OTOP1: variants seen among roughly 807,000 people sequenced by gnomAD.
The protein encoded by OTOP1 is otopetrin 1, also known as proton channel OTOP1.
Under a neutral mutation model 52.9 loss-of-function variants are expected in OTOP1, and 59 were observed. The ratio of observed to expected loss-of-function variants is 1.12; its 90% confidence interval spans 0.91 to 1.39. OTOP1 has a LOEUF of 1.39. Among genes scored for constraint, OTOP1 ranks in the 40% most tolerant of loss-of-function variants. OTOP1 has a pLI of 0.00. For synonymous variants in OTOP1, 317 were observed against 337.7 expected, an observed-to-expected ratio of 0.94 and a Z score of 0.67; for missense variants, 761 against 800.9, an observed-to-expected ratio of 0.95 and a Z score of 0.60.
At chr4:4,201,461 T>TACACAC (rs1167229533) in intron 4 of OTOP1, among the ~76,000 whole-genome samples, 48 of 132,852 alleles carry the variant, frequency 3.6e-4, no homozygotes, top group African/African-American at 1.4e-3. Context: ...AATAAATAAA[T>TACACAC]ATATATATAT....
In OTOP1 at chr4:4,188,969, C is replaced by T; in HGVS notation, c.1673G>A (p.Trp558Ter). The T allele has an allele frequency of 6.2e-7, 1 of 1,611,038 alleles. No individual in the cohort carries two copies. Among genetic ancestry groups the T allele is most frequent in the Non-Finnish European group, 8.5e-7 (1 of 1,178,640 alleles). The change falls in exon 6 of 6, where the codon TGG becomes TAG. Residue 558 changes from tryptophan (W) to a stop codon, truncating the protein, a stop_gained. Coordinates refer to ENST00000296358, the MANE Select transcript of OTOP1 (RefSeq NM_177998.3). LOFTEE classifies it high-confidence loss of function. ...TCGACAGCCAAAGGCGGGAGGTATC[C>T]AAAGCTGCAAGAGAAGAGAAAATGG... ...AFLFLCNISL[W>*]IPPAFGCRPE...
At chr4:4,202,200 T>A (rs1716802325) in intron 4 of OTOP1, among the ~76,000 whole-genome samples, 1 of 152,234 alleles carries the variant, frequency 6.6e-6, no homozygotes, top group African/African-American at 2.4e-5. Flanking sequence ...GCCATCAGAA[T>A]AATCACCGTG....
chr4:4,208,327 G>C (rs965399319), intron 2 of OTOP1, among the ~76,000 whole-genome samples: 7 of 152,184 alleles, frequency 4.6e-5, no homozygotes, highest in African/African-American at 1.7e-4. Flanking sequence ...ATGGGAGGCA[G>C]GTTTGCCTGA....
At chr4:4,214,141 G>C (rs545542577) in intron 1 of OTOP1, among the ~76,000 whole-genome samples, 11 of 152,174 alleles carry the variant, frequency 7.2e-5, no homozygotes, top group Admixed American at 4.6e-4. Flanking sequence ...AATTGGCAAA[G>C]GACATGAATA....
chr4:4,199,481 T>G (rs577404143), intron 4 of OTOP1, among the ~76,000 whole-genome samples: 3 of 152,240 alleles, frequency 2.0e-5, no homozygotes, highest in Non-Finnish European at 2.9e-5. Context: ...TGGCAAAATC[T>G]TGGCTCACTG....
intron 2 of OTOP1, among the ~76,000 whole-genome samples, chr4:4,206,611 C>A (rs1284240320): frequency 6.6e-6 from 1 of 152,156 alleles, no homozygotes; most frequent in Non-Finnish European, 1.5e-5. Context: ...ATTACATATG[C>A]TAGGCAGTCC....
At position 4,197,142 on chromosome 4, in the gene OTOP1, T is replaced by G; in HGVS notation, c.1668+24A>C. 3.2e-6 allele frequency: 5 copies of G among 1,560,188 alleles called. No individual in the cohort carries two copies. The South Asian group carries it at 4.8e-5, about 15-fold the overall frequency. ...AAAGTTTAAAGTAAAATTAAAAGAA[T>G]AAGAATAACTTGGTGCAGATTACCG... On this transcript the variant is annotated intron_variant, in intron 5 of 5. Transcript: ENST00000296358.
chr4:4,195,798 G>A (rs1289283901), intron 5 of OTOP1, among the ~76,000 whole-genome samples: 1 of 152,140 alleles, frequency 6.6e-6, no homozygotes, highest in East Asian at 1.9e-4. Context: ...AAGTCCTTCT[G>A]GATCCCTGCT....
At chr4:4,191,434 C>T (rs1458400852) in intron 5 of OTOP1, among the ~76,000 whole-genome samples, 1 of 152,212 alleles carries the variant, frequency 6.6e-6, no homozygotes, top group African/African-American at 2.4e-5. Flanking sequence ...AATCTACACT[C>T]CCGCATGGGG....
chr4:4,218,595 C>G (rs1439472741), intron 1 of OTOP1, among the ~76,000 whole-genome samples: 1 of 152,048 alleles, frequency 6.6e-6, no homozygotes, highest in African/African-American at 2.4e-5. Flanking sequence ...GTGTGGCTCA[C>G]TGAGGGAAAT....
At chr4:4,203,655 T>G (rs1716838187) in intron 3 of OTOP1, among the ~76,000 whole-genome samples, 1 of 152,244 alleles carries the variant, frequency 6.6e-6, no homozygotes, top group Non-Finnish European at 1.5e-5. Context: ...TTCCTACACC[T>G]GCAGGCTTAA....
chr4:4,205,518 A>G (rs547656726), intron 3 of OTOP1, among the ~76,000 whole-genome samples: 28 of 152,214 alleles, frequency 1.8e-4, no homozygotes, highest in Admixed American at 6.5e-5. Flanking sequence ...GCCAGCAGAG[A>G]TAAGAAAATC....
intron 4 of OTOP1, 70 bp downstream of exon 4, chr4:4,202,378 C>G: frequency 6.3e-7 from 1 of 1,599,950 alleles, no homozygotes; most frequent in Non-Finnish European, 8.5e-7. Flanking sequence ...TCTCTGAACT[C>G]TGTGGACTCT....
At chr4:4,214,577 A>G (rs1433935941) in intron 1 of OTOP1, among the ~76,000 whole-genome samples, 1 of 152,230 alleles carries the variant, frequency 6.6e-6, no homozygotes, top group Non-Finnish European at 1.5e-5. Flanking sequence ...ATGGATAGGT[A>G]AACACAATGA....
intron 2 of OTOP1, among the ~76,000 whole-genome samples, chr4:4,207,055 T>C (rs1716920742): frequency 6.6e-6 from 1 of 152,186 alleles, no homozygotes; most frequent in African/African-American, 2.4e-5. Context: ...TATTCTCTAG[T>C]TATAAAAATA....
Position 4,188,819 on chromosome 4 carries a change from A to G in OTOP1, c.1823T>C (p.Val608Ala), listed in dbSNP as rs1350193780. ...RMHAAASLFE[V>A]YCKI ...GGACCCAGACTATATCTTACAATAG[A>G]CCTCAAAGAGGGAGGCAGCTGCGTG... Residue 608 changes from valine to alanine, a missense_variant, in exon 6 of 6, where the codon GTC (valine) becomes GCC (alanine). Val to Ala is a moderately conservative substitution (Grantham distance 64). Coordinates refer to ENST00000296358, the MANE Select transcript of OTOP1 (RefSeq NM_177998.3). 6.2e-7 allele frequency: 1 copy of G among 1,613,178 alleles called. No individual in the cohort carries two copies. The highest frequency in any genetic ancestry group is 1.7e-5 in the Admixed American group (1 of 59,908).
chr4:4,219,001 TAAAA>T (rs1010441860), intron 1 of OTOP1, among the ~76,000 whole-genome samples: 2 of 151,272 alleles, frequency 1.3e-5, no homozygotes, highest in African/African-American at 4.9e-5. Context: ...ATTAATGGAA[TAAAA>T]AAATCACAAT....
chr4:4,212,783 A>G, intron 2 of OTOP1, 85 bp downstream of exon 2: 1 of 1,478,780 alleles, frequency 6.8e-7, no homozygotes, highest in Admixed American at 1.7e-5. Context: ...TCCACCTGCC[A>G]CACGTCTTGA....
At chr4:4,212,144 T>C (rs1365473545) in intron 2 of OTOP1, among the ~76,000 whole-genome samples, 1 of 152,186 alleles carries the variant, frequency 6.6e-6, no homozygotes, top group Non-Finnish European at 1.5e-5. Flanking sequence ...ATAGTTCAGA[T>C]CCTGACTCTG....
Sources: allele counts gnomAD v4.1 joint callset (sites outside exome capture counted in the v4.1 genomes callset), GRCh38; gene constraint gnomAD v4.1.1; transcripts MANE v1.5; gene names NCBI Gene and HGNC (gene_info 2026-07-23, HGNC 2026-07-21).